KCNJ12: variants seen among roughly 807,000 people sequenced by gnomAD.
The protein encoded by KCNJ12 is ATP-sensitive inward rectifier potassium channel 12.
KCNJ12 carries 2 observed loss-of-function variants against 22.3 expected under a neutral mutation model. The ratio of observed to expected loss-of-function variants is 0.09; its 90% CI spans 0.04 to 0.28. The LOEUF (loss-of-function observed/expected upper bound fraction) is 0.28. KCNJ12 is among the 10% of genes least tolerant of loss of function. The pLI is 1.00. For synonymous variants in KCNJ12, 117 were observed against 261.4 expected (o/e 0.45, Z 5.33); for missense variants, 155 against 633.3 (o/e 0.24, Z 8.11).
chr17:21,377,869 C>A (rs1904721444), intron 1 of KCNJ12, among the ~76,000 whole-genome samples: 2 of 152,238 alleles, frequency 1.3e-5, no homozygotes, highest in South Asian at 4.1e-4. Flanking sequence ...GGACCTCCCC[C>A]TCCCCATTTC....
intron 1 of KCNJ12, among the ~76,000 whole-genome samples, chr17:21,390,270 G>A (rs1161246643): frequency 3.9e-5 from 6 of 152,160 alleles, no homozygotes; most frequent in African/African-American, 1.4e-4. Flanking sequence ...GCTGGACCCT[G>A]CACTACACCC....
intron 1 of KCNJ12, among the ~76,000 whole-genome samples, chr17:21,384,521 G>A (rs782538043): frequency 6.6e-5 from 10 of 152,202 alleles, no homozygotes; most frequent in Non-Finnish European, 1.3e-4. Context: ...GGGCTTCAGA[G>A]TCGCAGCCTG....
Position 21,401,862 on chromosome 17 carries a change from G to A in KCNJ12, c.-178-6657G>A, listed in dbSNP as rs1404244059. ...TTGGCCTGGTGGACTCAGAAAGACCGGCTGCACCCAGCATGGTCTGGTCCA... is the reference window on the plus strand; with the variant it reads ...TTGGCCTGGTGGACTCAGAAAGACCAGCTGCACCCAGCATGGTCTGGTCCA... On this transcript the variant is annotated intron_variant, in intron 1 of 2. Coordinates refer to ENST00000583088, the MANE Select transcript of KCNJ12 (RefSeq NM_021012.5). Among the ~76,000 whole-genome samples the A allele has an allele frequency of 6.6e-5, 10 of 152,176 alleles. No individual in the cohort carries two copies. The South Asian group carries it at 1.7e-3, about 25-fold the overall frequency.
At chr17:21,397,828 G>A (rs1905422539) in intron 1 of KCNJ12, among the ~76,000 whole-genome samples, 1 of 152,212 alleles carries the variant, frequency 6.6e-6, no homozygotes, top group Non-Finnish European at 1.5e-5. Context: ...CCCTCAGCTG[G>A]GGCTGACAGC....
At chr17:21,389,712 C>T (rs1276469703) in intron 1 of KCNJ12, among the ~76,000 whole-genome samples, 7 of 151,944 alleles carry the variant, frequency 4.6e-5, no homozygotes, top group South Asian at 4.1e-4. Context: ...CCTGGCCCCA[C>T]GTGGGGGTTG....
chr17:21,395,105 C>T (rs1250062354), intron 1 of KCNJ12, among the ~76,000 whole-genome samples: 5 of 151,594 alleles, frequency 3.3e-5, no homozygotes, highest in East Asian at 2.0e-4. Context: ...CAAGACCAGC[C>T]GGGGCAATAT....
chr17:21,408,332 T>A (rs1445859605), intron 1 of KCNJ12, among the ~76,000 whole-genome samples, 187 bp from the exon 2 acceptor site: 1 of 152,236 alleles, frequency 6.6e-6, no homozygotes, highest in Admixed American at 6.5e-5. Context: ...CTTCTCTGGT[T>A]CTGGATGGTT....
intron 1 of KCNJ12, among the ~76,000 whole-genome samples, chr17:21,386,831 T>C (rs1328990411): frequency 6.6e-6 from 1 of 152,070 alleles, no homozygotes; most frequent in Non-Finnish European, 1.5e-5. Context: ...TGCTTGTCAT[T>C]GGATTCAGGG....
At chr17:21,404,168 C>T (rs1281422362) in intron 1 of KCNJ12, among the ~76,000 whole-genome samples, 1 of 152,182 alleles carries the variant, frequency 6.6e-6, no homozygotes, top group African/African-American at 2.4e-5. Flanking sequence ...GTAGCTGGGC[C>T]AGCCCCCTGG....
At position 21,415,587 on chromosome 17, in the gene KCNJ12, A is replaced by T; in HGVS notation, c.245A>T (p.Tyr82Phe). The change falls in exon 3 of 3, where the codon TAC becomes TTC. Residue 82 changes from tyrosine to phenylalanine, a missense_variant. Physicochemically the swap from Tyr to Phe is conservative, Grantham distance 22. Coordinates refer to ENST00000583088, the MANE Select transcript of KCNJ12 (RefSeq NM_021012.5). ...FTTCVDIRWRYMLLIFSLAFL... is the reference protein window; with the variant it reads ...FTTCVDIRWRFMLLIFSLAFL... Reference sequence around the variant, plus strand: ...ACCTGTGTGGACATCCGCTGGCGGTACATGCTGCTCATCTTCTCGCTGGCC... The same window carrying T: ...ACCTGTGTGGACATCCGCTGGCGGTTCATGCTGCTCATCTTCTCGCTGGCC... The T allele has an allele frequency of 6.2e-7, 1 of 1,614,242 alleles. No individual in the cohort carries two copies. Among genetic ancestry groups the T allele is most frequent in the Non-Finnish European group, 8.5e-7 (1 of 1,180,050 alleles).
intron 1 of KCNJ12, among the ~76,000 whole-genome samples, chr17:21,380,325 A>G: frequency 6.6e-6 from 1 of 152,152 alleles, no homozygotes; most frequent in East Asian, 1.9e-4. Flanking sequence ...TGGAGACCCC[A>G]GGCCCTGTTG....
Position 21,377,066 on chromosome 17 carries a change from A to AT in KCNJ12, c.-179+160dup, listed in dbSNP as rs1402014070. Among the ~76,000 whole-genome samples, 29 of 151,994 alleles carry AT rather than the reference A, an allele frequency of 1.9e-4. No homozygotes were observed. The East Asian group carries it at 5.2e-3, about 27-fold the overall frequency. ...GAGGGTGTTTTCTTCCTCTCGTTTT[A>AT]TTTTTTTCCCTCCCTTGGTGAGACA... On this transcript the variant is annotated intron_variant, in intron 1 of 2. Coordinates refer to ENST00000583088, the MANE Select transcript of KCNJ12 (RefSeq NM_021012.5).
At chr17:21,404,354 C>G (rs113916203) in intron 1 of KCNJ12, among the ~76,000 whole-genome samples, 172 of 151,014 alleles carry the variant, frequency 1.1e-3, no homozygotes, top group Middle Eastern at 3.5e-3. Context: ...GGCAGATACT[C>G]CTCTAGGAAG....
intron 2 of KCNJ12, 112 bp from the exon 3 acceptor site, chr17:21,415,175 G>T: frequency 8.6e-7 from 1 of 1,164,320 alleles, no homozygotes; most frequent in Non-Finnish European, 1.2e-6. Flanking sequence ...GAGCACGATC[G>T]TGGGTCAATC....
chr17:21,403,464 CCTTGTGTCCTTG>C (rs1265882013), intron 1 of KCNJ12, among the ~76,000 whole-genome samples: 3 of 152,270 alleles, frequency 2.0e-5, no homozygotes, highest in Non-Finnish European at 2.9e-5. Context: ...TGTGTCCTTA[CCTTGTGTCCTTG>C]CTCTCCTGTG....
intron 1 of KCNJ12, among the ~76,000 whole-genome samples, chr17:21,386,229 A>G (rs114614002): frequency 0.015 from 2,296 of 152,314 alleles, 66 homozygotes; most frequent in African/African-American, 0.052. Flanking sequence ...CTTTCCCCCA[A>G]CTTCTGGGGC....
chr17:21,415,297 G>A lies in KCNJ12; in HGVS notation c.-46G>A, dbSNP rs782268727. 3.2e-6 allele frequency: 5 copies of A among 1,583,530 alleles called. No individual in the cohort carries two copies. Among genetic ancestry groups the A allele is most frequent in the South Asian group, 1.1e-5 (1 of 88,798 alleles). Reference sequence around the variant, plus strand: ...TCGTCTCTGTTGCAGGAGCCGCCCTGCCTGGAGCTAGCCTGGGGGCGAGCC... The same window carrying A: ...TCGTCTCTGTTGCAGGAGCCGCCCTACCTGGAGCTAGCCTGGGGGCGAGCC... On this transcript the variant is annotated 5_prime_UTR_variant, in exon 3 of 3. Transcript: ENST00000583088.
intron 1 of KCNJ12, among the ~76,000 whole-genome samples, chr17:21,408,294 T>C (rs1204332551): frequency 6.6e-6 from 1 of 152,268 alleles, no homozygotes; most frequent in African/African-American, 2.4e-5. Context: ...AGCGGTCATT[T>C]TTCTCTGACA....
intron 2 of KCNJ12, among the ~76,000 whole-genome samples, chr17:21,409,304 G>T (rs1906177678): frequency 6.6e-6 from 1 of 152,308 alleles, no homozygotes; most frequent in Non-Finnish European, 1.5e-5. Context: ...AGGAGGAGGA[G>T]GAAGAGCAGG....
Sources: gnomAD v4.1 joint callset for allele counts (sites outside exome capture counted in the v4.1 genomes callset) on GRCh38, gnomAD v4.1.1 for gene constraint, MANE v1.5 for transcripts, NCBI Gene and HGNC (gene_info 2026-07-23, HGNC 2026-07-21) for gene names.